Variants in SCN2A observed in about 807,000 individuals in gnomAD.
The protein encoded by SCN2A is sodium channel protein type 2 subunit alpha.
Under a neutral mutation model 188.7 loss-of-function variants are expected in SCN2A, and 20 were observed. That is an observed-to-expected ratio of 0.11 (90% CI 0.07 to 0.15). SCN2A has a LOEUF of 0.15. Ranked by LOEUF, SCN2A falls within the 10% of genes least tolerant of loss-of-function variation. SCN2A has a pLI of 1.00. For missense variants in SCN2A, 1,278 were observed against 2,445.0 expected (o/e 0.52, Z 10.07); for synonymous variants, 804 against 833.1 (o/e 0.97, Z 0.60).
intron 1 of SCN2A, among the ~76,000 whole-genome samples, chr2:165,262,658 C>T (rs969566205): frequency 2.6e-5 from 4 of 151,846 alleles, no homozygotes; most frequent in Admixed American, 2.0e-4. Context: ...GATTAATGGG[C>T]GTTTGGGCTG....
intron 1 of SCN2A, among the ~76,000 whole-genome samples, chr2:165,291,528 C>CTTTTCTTTCTTTCTTTCGTTCTTT (rs1559340566): frequency 3.6e-5 from 1 of 27,772 alleles, no homozygotes; most frequent in Non-Finnish European, 7.6e-5. Flanking sequence ...TCCTTTCTTT[C>CTTTTCTTTCTTTCTTTCGTTCTTT]CTTCCTTCCT....
chr2:165,255,553 T>C (rs1165219358), intron 1 of SCN2A, among the ~76,000 whole-genome samples: 2 of 152,120 alleles, frequency 1.3e-5, no homozygotes, highest in Non-Finnish European at 2.9e-5. Flanking sequence ...GGCTCTATGG[T>C]TTAACTCCAT....
rs1363793260 is a variant in SCN2A at position 165,301,650 on chromosome 2, T to TATGTA, written c.386+4515_386+4516insATGTA. On this transcript the variant is annotated intron_variant, in intron 3 of 26. Coordinates refer to ENST00000375437, the MANE Select transcript of SCN2A (RefSeq NM_001040142.2). Reference sequence around the variant, plus strand: ...TCCCATGCTAGTACTTAGTAGGTACTCAATAAAGGATATCTATGACAGTAA... The same window carrying TATGTA: ...TCCCATGCTAGTACTTAGTAGGTACTATGTACAATAAAGGATATCTATGACAGTAA... Among the ~76,000 whole-genome samples, 6 of 152,304 alleles carry TATGTA rather than the reference T, an allele frequency of 3.9e-5. No homozygotes were observed. The Middle Eastern group carries it at 0.017, about 432-fold the overall frequency.
intron 1 of SCN2A, among the ~76,000 whole-genome samples, chr2:165,250,890 T>G (rs1559315661): frequency 1.3e-5 from 2 of 152,114 alleles, no homozygotes; most frequent in Admixed American, 6.6e-5. Context: ...TTCATCATTT[T>G]TCTGAGATTC....
At chr2:165,361,226 G>A (rs1457169826) in intron 17 of SCN2A, among the ~76,000 whole-genome samples, 1 of 151,750 alleles carries the variant, frequency 6.6e-6, no homozygotes, top group Non-Finnish European at 1.5e-5. Context: ...AAAACTTTTT[G>A]TTCATGTAAT....
chr2:165,308,700 C>G lies in SCN2A; in HGVS notation c.511C>G (p.Leu171Val), dbSNP rs1297617362. ...TFTGIYTFES[L>V]IKILARGFCL... ...TACAGGAATTTATACTTTTGAATCA[C>G]TTATTAAAATACTTGCAAGGGGCTT... The change falls in exon 5 of 27, where the codon CTT becomes GTT. Residue 171 changes from leucine (L) to valine (V), a missense_variant. This residue lies in a region of SCN2A where 37 missense variants were observed against 154.9 expected (regional missense o/e 0.24). Transcript: ENST00000375437. 2 of 1,612,114 alleles carry G rather than the reference C, an allele frequency of 1.2e-6. No individual in the cohort carries two copies. The highest frequency in any genetic ancestry group is 1.7e-6 in the Non-Finnish European group (2 of 1,178,620).
chr2:165,287,305 C>T (rs1322208525), intron 1 of SCN2A, among the ~76,000 whole-genome samples: 1 of 152,112 alleles, frequency 6.6e-6, no homozygotes, highest in Non-Finnish European at 1.5e-5. Context: ...CAGTGATCTG[C>T]CAGCACTTGG....
At chr2:165,311,316 T>A (rs1191441932) in intron 7 of SCN2A, among the ~76,000 whole-genome samples, 1 of 152,108 alleles carries the variant, frequency 6.6e-6, no homozygotes, top group Non-Finnish European at 1.5e-5. Flanking sequence ...TTTGCATGTG[T>A]GTGCATGTTT....
At chr2:165,261,364 G>C (rs1185905347) in intron 1 of SCN2A, among the ~76,000 whole-genome samples, 1 of 152,070 alleles carries the variant, frequency 6.6e-6, no homozygotes, top group Non-Finnish European at 1.5e-5. Flanking sequence ...TGTTAGGCTG[G>C]TATCTGTTTC....
intron 1 of SCN2A, among the ~76,000 whole-genome samples, chr2:165,249,433 G>A (rs1202171109): frequency 6.6e-6 from 1 of 151,998 alleles, no homozygotes; most frequent in Non-Finnish European, 1.5e-5. Context: ...CCATATCACA[G>A]GAAGTTAATT....
intron 25 of SCN2A, among the ~76,000 whole-genome samples, chr2:165,383,406 G>T (rs1354629328): frequency 1.3e-5 from 2 of 152,142 alleles, no homozygotes; most frequent in Non-Finnish European, 2.9e-5. Context: ...GGGCTGGTGA[G>T]ACTGGAGTGC....
intron 23 of SCN2A, among the ~76,000 whole-genome samples, chr2:165,377,925 T>C (rs141622354): frequency 6.6e-6 from 1 of 152,018 alleles, no homozygotes; most frequent in East Asian, 1.9e-4. Context: ...AATGAGACAT[T>C]TTATTTTTGG....
intron 20 of SCN2A, 169 bp from the exon 21 acceptor site, chr2:165,373,056 C>T: frequency 1.5e-6 from 1 of 665,846 alleles, no homozygotes; most frequent in Non-Finnish European, 2.6e-6. Flanking sequence ...TAGGCCTTTC[C>T]CCAAACTTAC....
At chr2:165,252,622 A>G (rs1038072316) in intron 1 of SCN2A, among the ~76,000 whole-genome samples, 68 of 152,094 alleles carry the variant, frequency 4.5e-4, no homozygotes, top group Non-Finnish European at 7.8e-4. Context: ...TGACAAAAAA[A>G]AGGTCAGATT....
At chr2:165,340,205 A>G (rs570163586) in intron 14 of SCN2A, among the ~76,000 whole-genome samples, 2 of 152,356 alleles carry the variant, frequency 1.3e-5, no homozygotes, top group East Asian at 1.9e-4. Flanking sequence ...ACAGGAGAAC[A>G]TCTTTGAGAC....
intron 1 of SCN2A, among the ~76,000 whole-genome samples, chr2:165,257,057 G>A (rs1485372921): frequency 6.6e-6 from 1 of 152,148 alleles, no homozygotes; most frequent in East Asian, 1.9e-4. Context: ...AGTTTGTGTA[G>A]GTTTGATGGC....
At chr2:165,338,460 T>C (rs1481757666) in intron 14 of SCN2A, among the ~76,000 whole-genome samples, 1 of 151,778 alleles carries the variant, frequency 6.6e-6, no homozygotes, top group Non-Finnish European at 1.5e-5. Context: ...CGGGGTTTCA[T>C]CGTGTTAGCC....
chr2:165,376,718 A>G (rs532342696), intron 22 of SCN2A, among the ~76,000 whole-genome samples: 20 of 147,284 alleles, frequency 1.4e-4, no homozygotes, highest in African/African-American at 3.6e-4. Flanking sequence ...GTGTGTGTGT[A>G]TGTGTCCACA....
rs572303305 is a variant in SCN2A, at chr2:165,305,900, G to A, written c.387-1948G>A. On this transcript the variant is annotated intron_variant, in intron 3 of 26. Coordinates refer to ENST00000375437, the MANE Select transcript of SCN2A (RefSeq NM_001040142.2). ...GAGAAATATCCTTTCCCCTATGCCA[G>A]GACAAGGGAGACGTAAGCAAGTTTG... 5.9e-5 allele frequency among the ~76,000 whole-genome samples: 9 copies of A among 152,298 alleles called. No homozygotes were observed. In the East Asian group the frequency reaches 1.4e-3, roughly 23 times the overall value.
Sources: gnomAD v4.1 joint callset for allele counts (sites outside exome capture counted in the v4.1 genomes callset) on GRCh38, gnomAD v4.1.1 for gene constraint, gnomAD v4.1.1 regional missense constraint, MANE v1.5 for transcripts, NCBI Gene and HGNC (gene_info 2026-07-23, HGNC 2026-07-21) for gene names.